Variants in TRIM24 observed in about 807,000 individuals in gnomAD.
TRIM24 encodes tripartite motif containing 24.
In TRIM24, 29 loss-of-function variants were observed where a neutral mutation model predicts 123.9. The observed-to-expected ratio is 0.23, with a 90% CI of 0.17 to 0.32. TRIM24 has a LOEUF of 0.32. Ranked by LOEUF, TRIM24 falls within the 10% of genes least tolerant of loss-of-function variation. The pLI is 1.00. For missense variants in TRIM24, 932 were observed against 1,295.3 expected (o/e 0.72, Z 4.31); for synonymous variants, 456 against 461.1 (o/e 0.99, Z 0.14).
intron 1 of TRIM24, among the ~76,000 whole-genome samples, chr7:138,498,343 G>A (rs1795961367): frequency 2.0e-5 from 3 of 151,226 alleles, no homozygotes; most frequent in Admixed American, 2.0e-4. Flanking sequence ...TCCTGCCTCA[G>A]CCTCCCGAGT....
At position 138,504,444 on chromosome 7, in the gene TRIM24, GCTCTTTTT is replaced by G. The variant is rs774963074; in HGVS notation, c.483+37_483+44del. The G allele has an allele frequency of 1.8e-3, 1,137 of 624,432 alleles. 18 individuals are homozygous for G. Among genetic ancestry groups the G allele is most frequent in the East Asian group, 5.8e-3 (162 of 28,126 alleles). The allele number at this position is 624,432 out of a possible 1,614,324, so 38.7% of individuals were successfully genotyped here. ...TACATCTTGAACCTTTTGCCTGCCA[GCTCTTTTT>G]TTTTTTTTTTTTTTTTTTTTTGAGA... On this transcript the variant is annotated intron_variant, in intron 2 of 18. Transcript: ENST00000343526.
intron 9 of TRIM24, among the ~76,000 whole-genome samples, chr7:138,559,906 G>A (rs1206362367): frequency 6.6e-6 from 1 of 152,148 alleles, no homozygotes; most frequent in Admixed American, 6.5e-5. Context: ...GGTCTGTTAG[G>A]CTTATGGGCA....
At chr7:138,568,390 T>G (rs1345826392) in intron 10 of TRIM24, among the ~76,000 whole-genome samples, 3,479 of 136,810 alleles carry the variant, frequency 0.025, 106 homozygotes, top group Non-Finnish European at 0.041. Context: ...TTTTTTTTTT[T>G]TTTTTTTTTT....
intron 8 of TRIM24, among the ~76,000 whole-genome samples, chr7:138,552,494 T>C (rs1470767713): frequency 6.6e-6 from 1 of 151,898 alleles, no homozygotes; most frequent in Non-Finnish European, 1.5e-5. Flanking sequence ...ACAAACAAAT[T>C]TAAGAATTCC....
chr7:138,545,366 G>C (rs150152250), intron 7 of TRIM24: 108 of 454,842 alleles, frequency 2.4e-4, no homozygotes, highest in African/African-American at 2.0e-3. Flanking sequence ...GAAGTGGTAA[G>C]AAGAATTAGC....
intron 6 of TRIM24, among the ~76,000 whole-genome samples, chr7:138,534,572 TGACA>T (rs1796823071): frequency 1.3e-5 from 2 of 152,358 alleles, no homozygotes; most frequent in South Asian, 2.1e-4. Context: ...CACTGTAGTC[TGACA>T]GACAGTTTGT....
In TRIM24 at chr7:138,516,813, G is replaced by GTT. The variant is rs77546595; in HGVS notation, c.631+1469_631+1470dup. On this transcript the variant is annotated intron_variant, in intron 3 of 18. Coordinates refer to ENST00000343526, the MANE Select transcript of TRIM24 (RefSeq NM_015905.3). ...TATCAAAATGTAGCAAAACCGTTTT[G>GTT]TTTTTTTTTTTTTTTTGAGACTAGT... Among the ~76,000 whole-genome samples, 1,171 of 132,410 alleles carry GTT rather than the reference G, an allele frequency of 8.8e-3. 16 individuals are homozygous for GTT. The highest frequency in any genetic ancestry group is 0.036 in the South Asian group (153 of 4,240). The allele number at this position is 132,410 out of a possible 152,430, so 86.9% of individuals were successfully genotyped here.
chr7:138,545,994 T>A (rs1797094113), intron 7 of TRIM24, among the ~76,000 whole-genome samples: 1 of 152,122 alleles, frequency 6.6e-6, no homozygotes, highest in South Asian at 2.1e-4. Context: ...GAACAATGGG[T>A]ATACAGAAGC....
At chr7:138,485,581 C>T (rs1008314719) in intron 1 of TRIM24, among the ~76,000 whole-genome samples, 2 of 152,116 alleles carry the variant, frequency 1.3e-5, no homozygotes, top group African/African-American at 4.8e-5. Flanking sequence ...TCAGTTCCCA[C>T]CTATGAGTGA....
intron 1 of TRIM24, among the ~76,000 whole-genome samples, chr7:138,495,807 G>A (rs1398191518): frequency 1.3e-5 from 2 of 151,934 alleles, no homozygotes; most frequent in East Asian, 3.9e-4. Flanking sequence ...ATTGAACTTG[G>A]GAAACTTGTA....
rs972495471 is a variant in TRIM24, at chr7:138,460,915, G to A, written c.364+3G>A. On this transcript the variant is annotated splice_donor_region_variant and intron_variant, in intron 1 of 18. Coordinates refer to ENST00000343526, the MANE Select transcript of TRIM24 (RefSeq NM_015905.3). ...CTCGTCGCCGTTCGCCACCCAAGGT[G>A]AGAACCGGCCGCGGCCGCTGGGGAG... The A allele has an allele frequency of 2.0e-6, 3 of 1,466,316 alleles. No homozygotes were observed. The highest frequency in any genetic ancestry group is 2.7e-6 in the Non-Finnish European group (3 of 1,117,950). 90.8% of individuals were successfully genotyped at this position (1,466,316 alleles called of 1,614,324 possible). A position where few individuals can be genotyped will look rare whatever the true frequency, so the allele number is the denominator to read the frequency against.
chr7:138,482,992 A>G (rs1795562604), intron 1 of TRIM24, among the ~76,000 whole-genome samples: 1 of 152,104 alleles, frequency 6.6e-6, no homozygotes, highest in Non-Finnish European at 1.5e-5. Flanking sequence ...GTCAGGGATC[A>G]CTGCAGCCTC....
At chr7:138,468,780 G>A (rs909480755) in intron 1 of TRIM24, among the ~76,000 whole-genome samples, 1 of 152,126 alleles carries the variant, frequency 6.6e-6, no homozygotes, top group African/African-American at 2.4e-5. Flanking sequence ...CTTCAGCCAA[G>A]GACTTGGCAA....
chr7:138,565,153 G>A (rs1419183219), intron 9 of TRIM24, among the ~76,000 whole-genome samples: 1 of 152,054 alleles, frequency 6.6e-6, no homozygotes, highest in Non-Finnish European at 1.5e-5. Flanking sequence ...GGTTCCTCCT[G>A]GAACCGCCTC....
At chr7:138,490,257 T>C (rs1027086822) in intron 1 of TRIM24, among the ~76,000 whole-genome samples, 1 of 152,188 alleles carries the variant, frequency 6.6e-6, no homozygotes, top group Admixed American at 6.5e-5. Flanking sequence ...TCGTCTAATC[T>C]TTTTTCAAGG....
At position 138,554,758 on chromosome 7, in the gene TRIM24, T is replaced by A; in HGVS notation, c.1322T>A (p.Val441Glu). The change falls in exon 9 of 19, where the codon GTG becomes GAG. Residue 441 changes from valine to glutamate, a missense_variant. Val to Glu is a moderately radical substitution (Grantham distance 121). This residue lies in a region of TRIM24 where 527 missense variants were observed against 691.3 expected (regional missense o/e 0.76). Transcript: ENST00000343526. The surrounding 1 kb of genome is among the most constrained non-coding windows in gnomAD (Gnocchi z 4.5). ...CAAATGCCTAAGCAGAATCCTGTCG[T>A]GGAACAGAATTCACAGCCACCAAGT... is the stretch of plus-strand genomic sequence containing the variant. ...QPQMPKQNPV[V>E]EQNSQPPSGL... The A allele has an allele frequency of 6.2e-7, 1 of 1,614,168 alleles. No individual in the cohort carries two copies. The highest frequency in any genetic ancestry group is 2.2e-5 in the East Asian group (1 of 44,884).
chr7:138,544,067 A>C (rs1478275678), intron 7 of TRIM24, among the ~76,000 whole-genome samples: 3 of 152,040 alleles, frequency 2.0e-5, no homozygotes, highest in Non-Finnish European at 4.4e-5. Flanking sequence ...GGTGTGAGCC[A>C]CCACATCTGG....
chr7:138,541,768 T>C (rs148230082), intron 7 of TRIM24, among the ~76,000 whole-genome samples: 533 of 152,352 alleles, frequency 3.5e-3, no homozygotes, highest in African/African-American at 0.012. Context: ...GTCATCTACG[T>C]TGAAATGTGT....
At chr7:138,469,656 G>T (rs1297190650) in intron 1 of TRIM24, among the ~76,000 whole-genome samples, 1 of 152,024 alleles carries the variant, frequency 6.6e-6, no homozygotes, top group Non-Finnish European at 1.5e-5. Context: ...CTCCAAAATG[G>T]CATGACTAAG....
Sources: allele counts gnomAD v4.1 joint callset (sites outside exome capture counted in the v4.1 genomes callset), GRCh38; gene constraint gnomAD v4.1.1; regional missense constraint gnomAD v4.1.1; non-coding constraint Gnocchi (gnomAD v3.1); transcripts MANE v1.5; gene names NCBI Gene and HGNC (gene_info 2026-07-23, HGNC 2026-07-21).